The following AGBL4 variants were observed in gnomAD, a reference collection of about 807,000 sequenced individuals.
The protein encoded by AGBL4 is AGBL carboxypeptidase 4, also known as cytosolic carboxypeptidase 6.
AGBL4 carries 58 observed loss-of-function variants against 66.4 expected under a neutral mutation model. That is an observed-to-expected ratio of 0.87 (90% confidence interval 0.71 to 1.09). AGBL4 has a LOEUF of 1.09. Among genes scored for constraint, AGBL4 ranks in the 50% least tolerant of loss-of-function variants. The pLI, the probability that AGBL4 is intolerant of heterozygous loss-of-function variation, is 0.00. For synonymous variants in AGBL4, 234 were observed against 222.9 expected, an observed-to-expected ratio of 1.05 and a Z score of -0.44; for missense variants, 579 against 631.0, an observed-to-expected ratio of 0.92 and a Z score of 0.88.
At chr1:49,119,073 T>C (rs1016191210) in intron 4 of AGBL4, among the ~76,000 whole-genome samples, 2 of 152,212 alleles carry the variant, frequency 1.3e-5, no homozygotes, top group African/African-American at 4.8e-5. Flanking sequence ...TTGCATCTAT[T>C]TGATTCTTCT....
At chr1:49,204,244 T>C (rs1647951343) in intron 4 of AGBL4, among the ~76,000 whole-genome samples, 1 of 152,136 alleles carries the variant, frequency 6.6e-6, no homozygotes, top group South Asian at 2.1e-4. Flanking sequence ...CTTTATTCCA[T>C]AGATAACTGG....
intron 6 of AGBL4, among the ~76,000 whole-genome samples, chr1:48,845,428 T>C (rs957125876): frequency 2.0e-5 from 3 of 152,194 alleles, no homozygotes; most frequent in African/African-American, 7.2e-5. Flanking sequence ...GCACCTCCAG[T>C]GAGGAGCAAT....
chr1:49,722,262 T>C (rs1648666991), intron 2 of AGBL4, among the ~76,000 whole-genome samples: 1 of 152,172 alleles, frequency 6.6e-6, no homozygotes, highest in Non-Finnish European at 1.5e-5. Context: ...TATAATTTTA[T>C]ATTCATATTT....
chr1:48,824,931 C>T (rs1358967264), intron 6 of AGBL4, among the ~76,000 whole-genome samples: 1 of 152,234 alleles, frequency 6.6e-6, no homozygotes, highest in Non-Finnish European at 1.5e-5. Context: ...AATCTCTTAA[C>T]CTTACTGAGC....
At chr1:49,559,312 C>T (rs1643977824) in intron 3 of AGBL4, among the ~76,000 whole-genome samples, 1 of 152,088 alleles carries the variant, frequency 6.6e-6, no homozygotes, top group African/African-American at 2.4e-5. Flanking sequence ...GGATCTTGTA[C>T]AAGACTATCA....
At chr1:49,603,306 A>G (rs142587780) in intron 3 of AGBL4, among the ~76,000 whole-genome samples, 66 of 152,296 alleles carry the variant, frequency 4.3e-4, no homozygotes, top group Admixed American at 1.0e-3. Context: ...TGAAAGAAGC[A>G]AAAGACAAAG....
intron 6 of AGBL4, chr1:48,727,729 G>C: frequency 1.8e-6 from 1 of 559,036 alleles, no homozygotes; most frequent in Non-Finnish European, 3.0e-6. Context: ...GTCGTCTTTG[G>C]AGTGTCCACA....
intron 2 of AGBL4, among the ~76,000 whole-genome samples, chr1:49,743,644 G>T (rs1275751574): frequency 6.6e-6 from 1 of 152,030 alleles, no homozygotes; most frequent in Non-Finnish European, 1.5e-5. Context: ...CAAAGACTTG[G>T]AACCAACCCA....
intron 4 of AGBL4, among the ~76,000 whole-genome samples, chr1:49,105,199 T>C (rs573641897): frequency 1.3e-5 from 2 of 152,140 alleles, no homozygotes; most frequent in Admixed American, 6.6e-5. Context: ...GGCATGGCTT[T>C]TGCAGACTTT....
intron 4 of AGBL4, among the ~76,000 whole-genome samples, chr1:49,176,037 A>G (rs1480368874): frequency 6.6e-6 from 1 of 152,170 alleles, no homozygotes; most frequent in Non-Finnish European, 1.5e-5. Context: ...AGGAGGGCAT[A>G]GTGTCATGAA....
intron 2 of AGBL4, among the ~76,000 whole-genome samples, chr1:49,811,995 CTCAT>C (rs1210495391): frequency 6.6e-6 from 1 of 152,120 alleles, no homozygotes; most frequent in Non-Finnish European, 1.5e-5. Context: ...TACAAAAGTA[CTCAT>C]TCAAACAAAT....
At chr1:48,582,560 T>A (rs1179603016) in intron 11 of AGBL4, among the ~76,000 whole-genome samples, 1 of 152,096 alleles carries the variant, frequency 6.6e-6, no homozygotes, top group Non-Finnish European at 1.5e-5. Flanking sequence ...AAGTTAAAGA[T>A]TCAACCAACA....
chr1:48,790,889 G>A (rs776778720), intron 6 of AGBL4, among the ~76,000 whole-genome samples: 2 of 152,080 alleles, frequency 1.3e-5, no homozygotes, highest in Admixed American at 6.5e-5. Flanking sequence ...AGACCAGCCT[G>A]GGCAACATTA....
At chr1:49,936,167 G>A (rs940540112) in intron 1 of AGBL4, among the ~76,000 whole-genome samples, 1 of 152,182 alleles carries the variant, frequency 6.6e-6, no homozygotes, top group Non-Finnish European at 1.5e-5. Flanking sequence ...TGAAAGCCGA[G>A]GCTCGAGAAC....
In AGBL4 at chr1:48,872,630, G is replaced by T. The variant is rs1214675078; in HGVS notation, c.595-5400C>A. ...ATTTTTTCATATCTGAAGCCCCTAT[G>T]ATTGCAGTTACAGAAAGCATTAAAA... On this transcript the variant is annotated intron_variant, in intron 5 of 13. Transcript: ENST00000371839. 2.6e-5 allele frequency among the ~76,000 whole-genome samples: 4 copies of T among 152,094 alleles called. No individual in the cohort carries two copies. In the East Asian group the frequency reaches 7.7e-4, roughly 29 times the overall value.
At chr1:49,672,657 A>C (rs963446867) in intron 3 of AGBL4, among the ~76,000 whole-genome samples, 2 of 152,134 alleles carry the variant, frequency 1.3e-5, no homozygotes, top group Non-Finnish European at 2.9e-5. Context: ...ATGGTGGCTC[A>C]TGCCTGTAAT....
intron 5 of AGBL4, among the ~76,000 whole-genome samples, chr1:49,029,753 CTGACATT>C (rs1353826616): frequency 1.3e-5 from 2 of 152,248 alleles, no homozygotes; most frequent in African/African-American, 4.8e-5. Flanking sequence ...AGTTGGAGAG[CTGACATT>C]TAATGATTTC....
intron 5 of AGBL4, among the ~76,000 whole-genome samples, chr1:48,954,828 T>C (rs1417393363): frequency 1.3e-5 from 2 of 152,152 alleles, no homozygotes; most frequent in Non-Finnish European, 2.9e-5. Flanking sequence ...GTCCTGGAAA[T>C]TAGTACACTA....
At chr1:48,722,085 A>G (rs1647160522) in intron 6 of AGBL4, among the ~76,000 whole-genome samples, 1 of 126,400 alleles carries the variant, frequency 7.9e-6, no homozygotes, top group African/African-American at 3.0e-5. Flanking sequence ...ACAACTTGGC[A>G]TAAGTACTGG....
Sources: gnomAD v4.1 joint callset for allele counts (sites outside exome capture counted in the v4.1 genomes callset) on GRCh38, gnomAD v4.1.1 for gene constraint, MANE v1.5 for transcripts, NCBI Gene and HGNC (gene_info 2026-07-23, HGNC 2026-07-21) for gene names.